DNAJA4: variants seen among roughly 807,000 people sequenced by gnomAD.
DNAJA4 encodes DnaJ heat shock protein family (Hsp40) member A4.
In DNAJA4, 32 loss-of-function variants were observed where a neutral mutation model predicts 39.7. The observed-to-expected ratio is 0.81, with a 90% CI of 0.61 to 1.08. The LOEUF is 1.08. Among genes scored for constraint, DNAJA4 ranks in the 50% least tolerant of loss-of-function variants. DNAJA4 has a pLI of 0.00. For missense variants in DNAJA4, 439 were observed against 505.1 expected, an observed-to-expected ratio of 0.87 and a Z score of 1.25; for synonymous variants, 184 against 182.4, an observed-to-expected ratio of 1.01 and a Z score of -0.07.
rs758326761 is a variant in DNAJA4 at position 78,275,699 on chromosome 15, A to G, written c.848A>G (p.Asn283Ser). Reference sequence around the variant, plus strand: ...AAGAAGACGATAAAAACATTGGACAATCGAATTCTTGTTATTACATCCAAA... The same window carrying G: ...AAGAAGACGATAAAAACATTGGACAGTCGAATTCTTGTTATTACATCCAAA... The part of the protein sequence containing the change: ...GFKKTIKTLD[N>S]RILVITSKAG... The change falls in exon 5 of 7, where the codon AAT (asparagine) becomes AGT (serine). Residue 283 changes from asparagine (N) to serine (S), a missense_variant. Asn to Ser is a conservative substitution (Grantham distance 46). Coordinates refer to ENST00000394852, the MANE Select transcript of DNAJA4 (RefSeq NM_001130182.2). 8 of 1,612,260 alleles carry G rather than the reference A, an allele frequency of 5.0e-6. No homozygotes were observed. The highest frequency in any genetic ancestry group is 4.4e-5 in the South Asian group (4 of 91,044).
chr15:78,266,531 G>T (rs1275694534), intron 1 of DNAJA4, among the ~76,000 whole-genome samples: 2 of 152,172 alleles, frequency 1.3e-5, no homozygotes, highest in Non-Finnish European at 2.9e-5. Context: ...CATCAGCTTG[G>T]AGGGAAGGGT....
intron 1 of DNAJA4, among the ~76,000 whole-genome samples, chr15:78,267,731 T>C (rs2049182075): frequency 6.6e-6 from 1 of 152,258 alleles, no homozygotes; most frequent in African/African-American, 2.4e-5. Flanking sequence ...CTAACCACTC[T>C]GTGCTTCTTT....
intron 4 of DNAJA4, 102 bp downstream of exon 4, chr15:78,274,526 C>A: frequency 1.0e-6 from 1 of 996,906 alleles, no homozygotes; most frequent in South Asian, 1.4e-5. Context: ...AGCTGTATCA[C>A]AACATGTATT....
At chr15:78,265,762 A>C (rs2049105797) in intron 1 of DNAJA4, 1 of 671,354 alleles carries the variant, frequency 1.5e-6, no homozygotes, top group Non-Finnish European at 2.7e-6. Context: ...TTTTCTTACA[A>C]AACTTTGGTT....
chr15:78,274,434 C>G lies in DNAJA4; in HGVS notation c.646+10C>G. 1 of 1,612,218 alleles carries G rather than the reference C, an allele frequency of 6.2e-7. No homozygotes were observed. Among genetic ancestry groups the G allele is most frequent in the Non-Finnish European group, 8.5e-7 (1 of 1,178,824 alleles). On this transcript the variant is annotated intron_variant, in intron 4 of 6. Coordinates refer to ENST00000394852, the MANE Select transcript of DNAJA4 (RefSeq NM_001130182.2). ...GTACATGTTGAAAAAGGTGAGGCTG[C>G]GCAGAGCTGGTGCTCCACACGGGCT...
At chr15:78,266,237 A>G (rs771148304) in intron 1 of DNAJA4, 15 of 1,613,596 alleles carry the variant, frequency 9.3e-6, no homozygotes, top group Middle Eastern at 1.6e-4. Context: ...CAAGCTGGCT[A>G]AAGACATGTG....
intron 5 of DNAJA4, among the ~76,000 whole-genome samples, chr15:78,276,086 A>G (rs1017981607): frequency 2.6e-5 from 4 of 152,190 alleles, no homozygotes; most frequent in African/African-American, 9.7e-5. Flanking sequence ...AGTTGGGGGG[A>G]AAGTCTCAAA....
intron 5 of DNAJA4, among the ~76,000 whole-genome samples, chr15:78,278,891 G>A (rs2049564982): frequency 7.6e-6 from 1 of 131,438 alleles, no homozygotes; most frequent in Non-Finnish European, 1.5e-5. Flanking sequence ...ACCTGGTCTC[G>A]AACTCCTGAC....
chr15:78,275,409 C>G (rs929462398), intron 4 of DNAJA4, 89 bp from the exon 5 acceptor site: 3 of 1,070,340 alleles, frequency 2.8e-6, no homozygotes, highest in Non-Finnish European at 4.1e-6. Flanking sequence ...ATAAAGAATC[C>G]CTGAAGGACT....
chr15:78,270,181 T>G, intron 1 of DNAJA4: 1 of 227,178 alleles, frequency 4.4e-6, no homozygotes, highest in Non-Finnish European at 8.6e-6. Flanking sequence ...CACTGTCTCA[T>G]GGTATCCTAG....
At position 78,279,240 on chromosome 15, in the gene DNAJA4, C is replaced by A. The variant is rs371473563; in HGVS notation, c.878-805C>A. On this transcript the variant is annotated intron_variant, in intron 5 of 6. Transcript: ENST00000394852. The surrounding 1 kb of genome is among the most constrained non-coding windows in gnomAD (Gnocchi z 4.5). ...TGCTGAAGAAATTAGTGTTTCCATT[C>A]CCCTCCACCGTCTCCCCCATTTTTT... 5 of 152,198 alleles carry A rather than the reference C, an allele frequency of 3.3e-5. No individual in the cohort carries two copies. In the South Asian group the frequency reaches 6.2e-4, roughly 19 times the overall value. 9.4% of individuals were successfully genotyped at this position (152,198 alleles called of 1,614,324 possible). A position where few individuals can be genotyped will look rare whatever the true frequency, so the allele number is the denominator to read the frequency against.
chr15:78,275,432 C>A, intron 4 of DNAJA4, 66 bp from the exon 5 acceptor site: 2 of 1,352,664 alleles, frequency 1.5e-6, no homozygotes, highest in Non-Finnish European at 1.0e-6. Flanking sequence ...GTTCCTTCTT[C>A]AAAAGCTTTA....
At position 78,274,429 on chromosome 15, in the gene DNAJA4, G is replaced by A. The variant is rs1477915768; in HGVS notation, c.646+5G>A. On this transcript the variant is annotated splice_donor_5th_base_variant and intron_variant, in intron 4 of 6. Transcript: ENST00000394852. ...TCGAGGTACATGTTGAAAAAGGTGA[G>A]GCTGCGCAGAGCTGGTGCTCCACAC... 48 of 1,613,334 alleles carry A rather than the reference G, an allele frequency of 3.0e-5. No homozygotes were observed. The highest frequency in any genetic ancestry group is 3.9e-5 in the Non-Finnish European group (46 of 1,179,724).
intron 2 of DNAJA4, 134 bp downstream of exon 2, chr15:78,270,811 A>C (rs1018620464): frequency 1.0e-6 from 1 of 997,692 alleles, no homozygotes; most frequent in African/African-American, 1.6e-5. Flanking sequence ...TAATTTCAGC[A>C]CTTTGGGAGG....
chr15:78,275,202 T>G (rs148721937), intron 4 of DNAJA4: 4 of 397,856 alleles, frequency 1.0e-5, no homozygotes, highest in East Asian at 8.8e-5. Flanking sequence ...GGTGACCCTA[T>G]GCTGGTGGTG....
intron 1 of DNAJA4, among the ~76,000 whole-genome samples, chr15:78,267,152 G>A (rs2049149824): frequency 6.7e-6 from 1 of 149,772 alleles, no homozygotes; most frequent in Admixed American, 6.6e-5. Flanking sequence ...GTGTGTGTGT[G>A]AGTGTGTATG....
chr15:78,266,524 C>G lies in DNAJA4; in HGVS notation c.132+1629C>G, dbSNP rs544485734. On this transcript the variant is annotated intron_variant, in intron 1 of 6. Transcript: ENST00000394852. ...TGGCAGTGAGGTCTGGCAGGCCCAT[C>G]AGCTTGGAGGGAAGGGTTCTGTGAT... Among the ~76,000 whole-genome samples, 11 of 152,300 alleles carry G rather than the reference C, an allele frequency of 7.2e-5. No homozygotes were observed. The South Asian group carries it at 2.1e-3, about 29-fold the overall frequency.
chr15:78,276,712 G>C (rs1185342571), intron 5 of DNAJA4, among the ~76,000 whole-genome samples: 1 of 152,256 alleles, frequency 6.6e-6, no homozygotes, highest in African/African-American at 2.4e-5. Flanking sequence ...CGTGGGGCTG[G>C]GATTACCTTT....
Position 78,274,423 on chromosome 15 carries a change from A to AG in DNAJA4, c.646+1dup. 6.2e-7 allele frequency: 1 copy of AG among 1,613,824 alleles called. No homozygotes were observed. Reference sequence around the variant, plus strand: ...AGATTATCGAGGTACATGTTGAAAAAGGTGAGGCTGCGCAGAGCTGGTGCT... The same window carrying AG: ...AGATTATCGAGGTACATGTTGAAAAAGGGTGAGGCTGCGCAGAGCTGGTGCT... On this transcript the variant is annotated frameshift_variant and splice_region_variant, in exon 4 of 7. Transcript: ENST00000394852. LOFTEE classifies it high-confidence loss of function.
Sources: allele counts gnomAD v4.1 joint callset (sites outside exome capture counted in the v4.1 genomes callset), GRCh38; gene constraint gnomAD v4.1.1; non-coding constraint Gnocchi (gnomAD v3.1); transcripts MANE v1.5; gene names NCBI Gene and HGNC (gene_info 2026-07-23, HGNC 2026-07-21).